The following TNS1 variants were observed in gnomAD, a reference collection of about 807,000 sequenced individuals.
TNS1 encodes the protein tensin-1.
Under a neutral mutation model 168.6 loss-of-function variants are expected in TNS1, and 62 were observed. That is an observed-to-expected ratio of 0.37 (90% CI 0.30 to 0.45). TNS1 has a LOEUF of 0.45. Ranked by LOEUF, TNS1 falls within the 20% of genes least tolerant of loss-of-function variation. The pLI is 1.00. For missense variants in TNS1, 2,240 were observed against 2,339.4 expected, an observed-to-expected ratio of 0.96 and a Z score of 0.88; for synonymous variants, 934 against 933.2, an observed-to-expected ratio of 1.00 and a Z score of -0.02.
chr2:217,899,708 C>A (rs189913558), intron 7 of TNS1, among the ~76,000 whole-genome samples: 6 of 152,308 alleles, frequency 3.9e-5, no homozygotes, highest in South Asian at 4.1e-4. Flanking sequence ...AGGAAGGACG[C>A]AAATGCAGAA....
At chr2:217,949,325 G>A (rs1182883730) in intron 3 of TNS1, among the ~76,000 whole-genome samples, 3 of 152,230 alleles carry the variant, frequency 2.0e-5, no homozygotes, top group Admixed American at 6.5e-5. Context: ...TTTAAAGCAG[G>A]AAGGACCCTG....
At chr2:217,978,860 T>TC in intron 2 of TNS1, 58 bp from the exon 3 acceptor site, 1 of 699,636 alleles carries the variant, frequency 1.4e-6, no homozygotes, top group Admixed American at 2.0e-5. Context: ...AAATGGAAAC[T>TC]CCGCGAAATC....
upstream of TNS1, among the ~76,000 whole-genome samples, chr2:218,011,613 G>A (rs114506309): frequency 0.014 from 2,105 of 152,164 alleles, 55 homozygotes; most frequent in African/African-American, 0.047. Flanking sequence ...ACCAGCCAGG[G>A]TCCCTTTCCC....
chr2:217,954,285 G>A (rs1957308396), intron 3 of TNS1, among the ~76,000 whole-genome samples: 1 of 152,188 alleles, frequency 6.6e-6, no homozygotes. Flanking sequence ...TTGCTATGCT[G>A]CAAGCGAATG....
upstream of TNS1, chr2:218,010,459 G>A (rs1160094134): frequency 2.8e-6 from 1 of 353,718 alleles, no homozygotes; most frequent in African/African-American, 2.1e-5. Flanking sequence ...GGGCAGCAGG[G>A]GGCTTACACC....
chr2:217,985,064 G>A (rs1035547724), intron 2 of TNS1, among the ~76,000 whole-genome samples: 1 of 149,842 alleles, frequency 6.7e-6, no homozygotes, highest in Non-Finnish European at 1.5e-5. Context: ...GCACCATTAT[G>A]AGATTTTTTT....
At chr2:217,936,517 C>T (rs540946672) in intron 3 of TNS1, among the ~76,000 whole-genome samples, 13 of 152,222 alleles carry the variant, frequency 8.5e-5, no homozygotes, top group South Asian at 2.1e-4. Context: ...GAGGATTTTC[C>T]AGCCCCAGGG....
chr2:217,927,777 C>G (rs1347931215), intron 3 of TNS1, among the ~76,000 whole-genome samples: 1 of 152,220 alleles, frequency 6.6e-6, no homozygotes, highest in East Asian at 1.9e-4. Flanking sequence ...TTAGAGCAGA[C>G]CTGGCATGCC....
At chr2:217,895,217 TCACGGCCAG>T (rs1952163442) in intron 8 of TNS1, among the ~76,000 whole-genome samples, 161 bp from the exon 9 acceptor site, 1 of 152,180 alleles carries the variant, frequency 6.6e-6, no homozygotes. Flanking sequence ...CAATGTCCTC[TCACGGCCAG>T]GGGCCTGGCC....
intron 18 of TNS1, among the ~76,000 whole-genome samples, chr2:217,865,005 C>T (rs1251017891): frequency 1.3e-5 from 2 of 152,034 alleles, no homozygotes; most frequent in South Asian, 4.2e-4. Context: ...TGAGAGGTGG[C>T]TATGACTACA....
At chr2:218,019,478 A>G (rs1045208659) in intron 1 of TNS1, among the ~76,000 whole-genome samples, 2 of 152,108 alleles carry the variant, frequency 1.3e-5, no homozygotes, top group Non-Finnish European at 2.9e-5. Flanking sequence ...TGACCACCCC[A>G]TCTCCCTGGA....
intron 32 of TNS1, among the ~76,000 whole-genome samples, 200 bp from the exon 33 acceptor site, chr2:217,804,803 C>T (rs941813649): frequency 6.6e-6 from 1 of 152,152 alleles, no homozygotes; most frequent in Non-Finnish European, 1.5e-5. Context: ...GTCCTAGAGA[C>T]AGTGTCCCAC....
rs200737049 is a variant in TNS1 at position 217,810,313 on chromosome 2, G to A, written c.5039C>T (p.Thr1680Ile). 3 of 1,614,092 alleles carry A rather than the reference G, an allele frequency of 1.9e-6. No individual in the cohort carries two copies. The highest frequency in any genetic ancestry group is 2.2e-5 in the South Asian group (2 of 91,092). The change falls in exon 29 of 33, where the codon ACA (threonine) becomes ATA (isoleucine). Residue 1680 changes from threonine to isoleucine, a missense_variant. By Grantham distance (89) the Thr-to-Ile change is moderately conservative (BLOSUM62 -1). Transcript: ENST00000682258. The stretch of plus-strand genomic sequence containing the variant: ...GCCGGAGCTATCTTTCGATTCATCT[G>A]TGGGGTCTAAGACAAAAATTCAGTA... ...CKLVIPNRDP[T>I]DESKDSSGPA...
rs977656997 is a variant in TNS1 at position 217,804,637 on chromosome 2, A to G, written c.5376-34T>C. 6 of 1,612,056 alleles carry G rather than the reference A, an allele frequency of 3.7e-6. No homozygotes were observed. The African/African-American group carries it at 8.0e-5, about 22-fold the overall frequency. On this transcript the variant is annotated intron_variant, in intron 32 of 32. Coordinates refer to ENST00000682258, the MANE Select transcript of TNS1 (RefSeq NM_001387777.1). ...GGGAGAGGGCAACGGGCATGAGGGA[A>G]GGGCAAGTGGAACCCCAGGAGGTGG...
chr2:217,936,256 A>C (rs1318161638), intron 3 of TNS1, among the ~76,000 whole-genome samples: 1 of 152,150 alleles, frequency 6.6e-6, no homozygotes, highest in Admixed American at 6.5e-5. Flanking sequence ...CAGATGGTAA[A>C]GGAGGCCCCC....
At chr2:217,968,386 A>C (rs990034854) in intron 3 of TNS1, among the ~76,000 whole-genome samples, 7 of 152,330 alleles carry the variant, frequency 4.6e-5, no homozygotes, top group Admixed American at 4.6e-4. Context: ...GTATGTAGAA[A>C]ATCCTAAGGA....
chr2:217,867,372 T>A (rs1443328505), intron 18 of TNS1, among the ~76,000 whole-genome samples: 1 of 152,236 alleles, frequency 6.6e-6, no homozygotes, highest in Non-Finnish European at 1.5e-5. Context: ...AAATGGTATA[T>A]GTGCAACGCC....
rs773143281 is a variant in TNS1, at chr2:218,002,899, C to T, written c.-27G>A. The T allele has an allele frequency of 2.2e-5, 10 of 456,794 alleles. No individual in the cohort carries two copies. Among genetic ancestry groups the T allele is most frequent in the Middle Eastern group, 3.3e-4 (1 of 3,062 alleles). The allele number at this position is 456,794 out of a possible 1,614,324, so 28.3% of individuals were successfully genotyped here. Reference sequence around the variant, plus strand: ...TTTGCTGGGTCCCGTCACTGAGGCACGCCCAGGGCCTGTGAAGAGCCCCTG... The same window carrying T: ...TTTGCTGGGTCCCGTCACTGAGGCATGCCCAGGGCCTGTGAAGAGCCCCTG... On this transcript the variant is annotated 5_prime_UTR_variant, in exon 1 of 33. In the 5' UTR this introduces an upstream ATG that the reference lacks. Coordinates refer to ENST00000682258, the MANE Select transcript of TNS1 (RefSeq NM_001387777.1).
chr2:217,947,966 G>A (rs1367654847), intron 3 of TNS1, among the ~76,000 whole-genome samples: 1 of 152,240 alleles, frequency 6.6e-6, no homozygotes, highest in Admixed American at 6.5e-5. Context: ...TTAGAGATGG[G>A]CTCAGAGCAG....
Sources: gnomAD v4.1 joint callset for allele counts (sites outside exome capture counted in the v4.1 genomes callset) on GRCh38, gnomAD v4.1.1 for gene constraint, MANE v1.5 for transcripts, NCBI Gene and HGNC (gene_info 2026-07-23, HGNC 2026-07-21) for gene names.